Variants in LHFPL6 observed in about 807,000 individuals in gnomAD.
LHFPL6 encodes LHFPL tetraspan subfamily member 6.
A neutral mutation model predicts 20.6 loss-of-function variants in LHFPL6; 9 were observed. The observed-to-expected ratio is 0.44, with a 90% CI of 0.26 to 0.76. The LOEUF (loss-of-function observed/expected upper bound fraction) is 0.76. Ranked by LOEUF, LHFPL6 falls within the 30% of genes least tolerant of loss-of-function variation. LHFPL6 has a pLI of 0.20. For synonymous variants in LHFPL6, 105 were observed against 98.7 expected (o/e 1.06, Z -0.38); for missense variants, 218 against 253.5 (o/e 0.86, Z 0.95).
In LHFPL6 at chr13:39,465,805, C is replaced by T. The variant is rs1235434731; in HGVS notation, c.386-87279G>A. 3.9e-5 allele frequency among the ~76,000 whole-genome samples: 6 copies of T among 152,086 alleles called. No homozygotes were observed. The East Asian group carries it at 5.8e-4, about 15-fold the overall frequency. Reference sequence around the variant, plus strand: ...TGGCTTTGAATGAACATGAAGAAAACGAAAGGAGGCAGCTGCATGGTGAGA... The same window carrying T: ...TGGCTTTGAATGAACATGAAGAAAATGAAAGGAGGCAGCTGCATGGTGAGA... On this transcript the variant is annotated intron_variant, in intron 2 of 3. Coordinates refer to ENST00000379589, the MANE Select transcript of LHFPL6 (RefSeq NM_005780.3).
intron 2 of LHFPL6, among the ~76,000 whole-genome samples, chr13:39,558,740 C>T (rs973223881): frequency 1.3e-5 from 2 of 152,174 alleles, no homozygotes; most frequent in African/African-American, 4.8e-5. Flanking sequence ...AGGAGAAGCC[C>T]TTGACCTGCC....
intron 2 of LHFPL6, among the ~76,000 whole-genome samples, chr13:39,526,056 T>A (rs189521412): frequency 1.3e-5 from 2 of 152,310 alleles, no homozygotes; most frequent in African/African-American, 4.8e-5. Flanking sequence ...TAACATTGTT[T>A]CATAATATTA....
At chr13:39,456,784 A>T (rs1436095759) in intron 2 of LHFPL6, among the ~76,000 whole-genome samples, 1 of 152,152 alleles carries the variant, frequency 6.6e-6, no homozygotes, top group Non-Finnish European at 1.5e-5. Flanking sequence ...TGTGATATTG[A>T]ATTAGACAAA....
chr13:39,352,956 TACATACACACACACAC>T (rs1869627675), intron 3 of LHFPL6, among the ~76,000 whole-genome samples: 2 of 101,646 alleles, frequency 2.0e-5, no homozygotes, highest in African/African-American at 9.0e-5. Flanking sequence ...TATATATACA[TACATACACACACACAC>T]ATATATATAT....
intron 2 of LHFPL6, among the ~76,000 whole-genome samples, chr13:39,431,153 C>T (rs113410032): frequency 0.17 from 26,235 of 151,942 alleles, 2,596 homozygotes; most frequent in African/African-American, 0.27. Flanking sequence ...AGCAAGACCA[C>T]GAACCCACCA....
chr13:39,354,783 T>C (rs967425876), intron 3 of LHFPL6, among the ~76,000 whole-genome samples: 3 of 151,752 alleles, frequency 2.0e-5, no homozygotes, highest in African/African-American at 7.3e-5. Flanking sequence ...AATAACAGAA[T>C]AGACCAAGCT....
intron 2 of LHFPL6, among the ~76,000 whole-genome samples, chr13:39,557,561 G>C (rs1373066163): frequency 6.6e-6 from 1 of 152,348 alleles, no homozygotes; most frequent in African/African-American, 2.4e-5. Context: ...AGTCCCACCT[G>C]CAGTAGATAC....
intron 2 of LHFPL6, among the ~76,000 whole-genome samples, chr13:39,531,311 C>T (rs988257095): frequency 6.6e-6 from 1 of 152,076 alleles, no homozygotes; most frequent in Non-Finnish European, 1.5e-5. Context: ...GTGGAAATGG[C>T]TTTTATGCAG....
chr13:39,525,934 T>C (rs1410081408), intron 2 of LHFPL6, among the ~76,000 whole-genome samples: 1 of 151,702 alleles, frequency 6.6e-6, no homozygotes, highest in Non-Finnish European at 1.5e-5. Flanking sequence ...AAAGAAATAA[T>C]CAGTCACAGA....
intron 2 of LHFPL6, among the ~76,000 whole-genome samples, chr13:39,411,293 T>A (rs992979517): frequency 6.6e-6 from 1 of 152,174 alleles, no homozygotes; most frequent in Non-Finnish European, 1.5e-5. Context: ...AAAACGGGTA[T>A]AAGAGGTGGG....
At chr13:39,576,676 C>A (rs1271875702) in intron 2 of LHFPL6, among the ~76,000 whole-genome samples, 1 of 152,062 alleles carries the variant, frequency 6.6e-6, no homozygotes, top group East Asian at 1.9e-4. Flanking sequence ...CTCCATTGCC[C>A]AGGCTGGAGT....
intron 2 of LHFPL6, among the ~76,000 whole-genome samples, chr13:39,392,323 G>A (rs1481611790): frequency 6.6e-6 from 1 of 152,130 alleles, no homozygotes; most frequent in African/African-American, 2.4e-5. Context: ...GGCCGGGCGC[G>A]GTGGCTCATG....
chr13:39,581,485 T>A (rs1473954106), intron 2 of LHFPL6, among the ~76,000 whole-genome samples: 1 of 151,444 alleles, frequency 6.6e-6, no homozygotes, highest in African/African-American at 2.4e-5. Flanking sequence ...CGAACTGACT[T>A]TCTTCCACCA....
At chr13:39,550,754 ATTAAG>A (rs1410357991) in intron 2 of LHFPL6, among the ~76,000 whole-genome samples, 6 of 152,176 alleles carry the variant, frequency 3.9e-5, no homozygotes, top group African/African-American at 1.4e-4. Context: ...TACGCTTATT[ATTAAG>A]TTAACAATGG....
chr13:39,473,237 C>A (rs1307562967), intron 2 of LHFPL6, among the ~76,000 whole-genome samples: 1 of 151,322 alleles, frequency 6.6e-6, no homozygotes, highest in African/African-American at 2.4e-5. Context: ...CCTTTTGATG[C>A]CGCCTTACTT....
intron 2 of LHFPL6, among the ~76,000 whole-genome samples, chr13:39,534,344 ATT>A (rs958950300): frequency 9.5e-4 from 145 of 152,328 alleles, no homozygotes; most frequent in African/African-American, 3.0e-3. Flanking sequence ...TATGTAAGCC[ATT>A]TTGCATAGTA....
chr13:39,573,700 G>A (rs1872008975), intron 2 of LHFPL6, among the ~76,000 whole-genome samples: 1 of 151,236 alleles, frequency 6.6e-6, no homozygotes, highest in African/African-American at 2.4e-5. Context: ...AAATAATCTT[G>A]CATCTAGGAA....
chr13:39,351,907 G>C (rs954683633), intron 3 of LHFPL6, among the ~76,000 whole-genome samples: 9 of 152,100 alleles, frequency 5.9e-5, no homozygotes, highest in Non-Finnish European at 1.5e-5. Context: ...CTGACCATGA[G>C]GCACCCCAGT....
At chr13:39,582,320 T>C (rs1468324157) in intron 2 of LHFPL6, among the ~76,000 whole-genome samples, 1 of 152,236 alleles carries the variant, frequency 6.6e-6, no homozygotes, top group Non-Finnish European at 1.5e-5. Flanking sequence ...GTCCAGGGTC[T>C]CATTCTGCAA....
Sources: allele counts gnomAD v4.1 joint callset (sites outside exome capture counted in the v4.1 genomes callset), GRCh38; gene constraint gnomAD v4.1.1; transcripts MANE v1.5; gene names NCBI Gene and HGNC (gene_info 2026-07-23, HGNC 2026-07-21).